Variants in SLC36A2 observed in about 807,000 individuals in gnomAD.
The protein encoded by SLC36A2 is solute carrier family 36 member 2, also known as proton-coupled amino acid transporter 2.
A neutral mutation model predicts 42.7 loss-of-function variants in SLC36A2; 39 were observed. The observed-to-expected ratio is 0.91, with a 90% CI of 0.71 to 1.19. The LOEUF is 1.19. SLC36A2 is among the 50% of genes most tolerant of loss of function. The pLI is 0.00. For synonymous variants in SLC36A2, 237 were observed against 240.8 expected (o/e 0.98, Z 0.15); for missense variants, 590 against 613.7 (o/e 0.96, Z 0.41).
intron 7 of SLC36A2, among the ~76,000 whole-genome samples, chr5:151,329,580 A>G (rs1198202710): frequency 6.6e-6 from 1 of 152,244 alleles, no homozygotes; most frequent in Non-Finnish European, 1.5e-5. Context: ...ATGGACAGAT[A>G]CAAGTTCTTA....
intron 3 of SLC36A2, 112 bp from the exon 4 acceptor site, chr5:151,343,095 A>T (rs1756393558): frequency 4.7e-6 from 4 of 856,214 alleles, no homozygotes; most frequent in Non-Finnish European, 7.8e-6. Context: ...AGCAGAAAGA[A>T]CACAGGGGCA....
intron 9 of SLC36A2, chr5:151,319,836 G>C (rs145375188): frequency 6.6e-6 from 1 of 152,382 alleles, no homozygotes; most frequent in African/African-American, 2.4e-5. Context: ...AGATGCCCTC[G>C]AGGAATATGC....
At chr5:151,327,531 A>G (rs1180994021) in intron 7 of SLC36A2, among the ~76,000 whole-genome samples, 1 of 152,154 alleles carries the variant, frequency 6.6e-6, no homozygotes, top group Non-Finnish European at 1.5e-5. Context: ...GGGCAGTGTC[A>G]TGTTGGGTCC....
rs59701389 is a variant in SLC36A2, at chr5:151,322,259, C to G, written c.1011-44G>C. On this transcript the variant is annotated intron_variant, in intron 8 of 9. Transcript: ENST00000335244. The stretch of plus-strand genomic sequence containing the variant: ...AGCTGCTCTCCACGGCCACTGTGTT[C>G]TGACACTGGCCTCCTTGGAACATTA... 7.8e-3 allele frequency: 12,574 copies of G among 1,606,064 alleles called. 830 individuals are homozygous for G. The African/African-American group carries it at 0.15, about 19-fold the overall frequency.
At chr5:151,325,967 A>G (rs1397180458) in intron 7 of SLC36A2, among the ~76,000 whole-genome samples, 2 of 152,226 alleles carry the variant, frequency 1.3e-5, no homozygotes, top group African/African-American at 4.8e-5. Context: ...ATCTGAATTT[A>G]CTTAATATGT....
rs542656971 is a variant in SLC36A2, at chr5:151,322,281, A to G, written c.1011-66T>C. On this transcript the variant is annotated intron_variant, in intron 8 of 9. Coordinates refer to ENST00000335244, the MANE Select transcript of SLC36A2 (RefSeq NM_181776.3). ...GTTCTGACACTGGCCTCCTTGGAAC[A>G]TTAACCTCTGACCTTGGGACAATGA... 8.3e-6 allele frequency: 13 copies of G among 1,573,254 alleles called. No individual in the cohort carries two copies. The East Asian group carries it at 3.0e-4, about 36-fold the overall frequency.
At chr5:151,321,142 GATTTATTT>G (rs141530947) in intron 9 of SLC36A2, among the ~76,000 whole-genome samples, 86,858 of 149,880 alleles carry the variant, frequency 0.58, 25,464 homozygotes, top group East Asian at 0.85. Context: ...CAGTTCTTAT[GATTTATTT>G]ATTTATTTAT....
At chr5:151,333,085 A>G in intron 7 of SLC36A2, 139 bp downstream of exon 7, 1 of 758,462 alleles carries the variant, frequency 1.3e-6, no homozygotes, top group Non-Finnish European at 2.3e-6. Flanking sequence ...GTAAGGCCAG[A>G]GGTTACTTTC....
At chr5:151,335,998 G>T (rs1469102294) in intron 5 of SLC36A2, among the ~76,000 whole-genome samples, 1 of 140,836 alleles carries the variant, frequency 7.1e-6, no homozygotes, top group Non-Finnish European at 1.5e-5. Flanking sequence ...GTAAGGCCCT[G>T]TATCCACAAA....
intron 7 of SLC36A2, among the ~76,000 whole-genome samples, chr5:151,326,795 G>C (rs1215933757): frequency 1.3e-5 from 2 of 149,350 alleles, no homozygotes. Context: ...TCTGAAAACG[G>C]GCTCAAATGA....
chr5:151,347,415 T>C lies in SLC36A2; in HGVS notation c.46A>G (p.Ile16Val). 6.2e-7 allele frequency: 1 copy of C among 1,614,222 alleles called. No individual in the cohort carries two copies. Among genetic ancestry groups the C allele is most frequent in the South Asian group, 1.1e-5 (1 of 91,084 alleles). Residue 16 changes from isoleucine (I) to valine (V), a missense_variant, in exon 1 of 10, where the codon ATC becomes GTC. Transcript: ENST00000335244. ...STEGPQGAVA[I>V]KLDLMSPPES... is the part of the protein sequence containing the mutation. ...GGAGGCGACATAAGGTCCAATTTGA[T>C]GGCAACGGCTCCCTGGGGACCCTCA... is the stretch of plus-strand genomic sequence containing the variant.
intron 6 of SLC36A2, among the ~76,000 whole-genome samples, chr5:151,333,693 C>G (rs569074845): frequency 1.4e-4 from 22 of 152,226 alleles, no homozygotes; most frequent in Admixed American, 3.9e-4. Context: ...GAAACCCTGT[C>G]TCTACTAAAA....
chr5:151,331,021 A>G (rs1028962719), intron 7 of SLC36A2, among the ~76,000 whole-genome samples: 1 of 152,204 alleles, frequency 6.6e-6, no homozygotes, highest in Non-Finnish European at 1.5e-5. Flanking sequence ...AATTGAGAGT[A>G]CAGAAATAAA....
At chr5:151,339,859 C>T (rs1050773910) in intron 4 of SLC36A2, among the ~76,000 whole-genome samples, 2 of 152,174 alleles carry the variant, frequency 1.3e-5, no homozygotes, top group African/African-American at 4.8e-5. Context: ...AACATACAGT[C>T]CCTTCCTCTT....
At chr5:151,328,002 A>G (rs879694833) in intron 7 of SLC36A2, among the ~76,000 whole-genome samples, 2 of 152,242 alleles carry the variant, frequency 1.3e-5, no homozygotes, top group African/African-American at 2.4e-5. Context: ...CAAGCACATA[A>G]TAGGCATTCA....
chr5:151,325,014 G>T, intron 8 of SLC36A2: 1 of 481,416 alleles, frequency 2.1e-6, no homozygotes, highest in Non-Finnish European at 3.8e-6. Context: ...TCTCTCCTTA[G>T]TAGACCAAGG....
chr5:151,315,833 A>G lies in SLC36A2; in HGVS notation c.*984T>C, dbSNP rs1412626772. On this transcript the variant is annotated 3_prime_UTR_variant, in exon 10 of 10. Transcript: ENST00000335244. Reference sequence around the variant, plus strand: ...TTGCAAGAATTAAGAGGTAAAGTCTATTCAAATAATATTCATGTTCACTCC... The same window carrying G: ...TTGCAAGAATTAAGAGGTAAAGTCTGTTCAAATAATATTCATGTTCACTCC... 2.6e-5 allele frequency: 4 copies of G among 152,236 alleles called. 1 individual carries two copies. The highest frequency in any genetic ancestry group is 5.9e-5 in the Non-Finnish European group (4 of 68,032). 9.4% of individuals were successfully genotyped at this position (152,236 alleles called of 1,614,324 possible).
At chr5:151,341,990 T>C (rs1157781252) in intron 4 of SLC36A2, among the ~76,000 whole-genome samples, 1 of 152,240 alleles carries the variant, frequency 6.6e-6, no homozygotes, top group Non-Finnish European at 1.5e-5. Flanking sequence ...GTGACCTGGC[T>C]GGGTACTGTT....
intron 9 of SLC36A2, among the ~76,000 whole-genome samples, chr5:151,317,872 A>T (rs1236918915): frequency 6.6e-6 from 1 of 152,206 alleles, no homozygotes; most frequent in Non-Finnish European, 1.5e-5. Context: ...AGAAAAGACA[A>T]AGTGTATATA....
Sources: gnomAD v4.1 joint callset for allele counts (sites outside exome capture counted in the v4.1 genomes callset) on GRCh38, gnomAD v4.1.1 for gene constraint, MANE v1.5 for transcripts, NCBI Gene and HGNC (gene_info 2026-07-23, HGNC 2026-07-21) for gene names.